Variants in PPFIBP2 observed in about 807,000 individuals in gnomAD.
The protein encoded by PPFIBP2 is PPFIB scaffold protein 2.
A neutral mutation model predicts 118.3 loss-of-function variants in PPFIBP2; 118 were observed. The ratio of observed to expected loss-of-function variants is 1.00; its 90% CI spans 0.86 to 1.16. The LOEUF is 1.16. PPFIBP2 is among the 50% of genes most tolerant of loss of function. The pLI, the probability that PPFIBP2 is intolerant of heterozygous loss-of-function variation, is 0.00. For synonymous variants in PPFIBP2, 414 were observed against 397.4 expected (o/e 1.04, Z -0.50); for missense variants, 1,195 against 1,073.1 (o/e 1.11, Z -1.59).
At chr11:7,531,728 C>G (rs4515945) in intron 1 of PPFIBP2, among the ~76,000 whole-genome samples, 38,265 of 152,048 alleles carry the variant, frequency 0.25, 5,138 homozygotes, top group Admixed American at 0.4. Flanking sequence ...GCTTACACAA[C>G]AGAAATTTAT....
At chr11:7,600,450 G>T (rs1213825821) in intron 5 of PPFIBP2, among the ~76,000 whole-genome samples, 1 of 152,240 alleles carries the variant, frequency 6.6e-6, no homozygotes, top group Non-Finnish European at 1.5e-5. Context: ...GCTAGGGACA[G>T]GCAAACACTT....
chr11:7,592,691 G>A (rs1859553343), intron 3 of PPFIBP2, among the ~76,000 whole-genome samples: 1 of 152,192 alleles, frequency 6.6e-6, no homozygotes, highest in Non-Finnish European at 1.5e-5. Flanking sequence ...CCTGGCATGA[G>A]AATTAGGAGA....
chr11:7,543,008 C>G (rs969469414), intron 1 of PPFIBP2, among the ~76,000 whole-genome samples: 2 of 152,222 alleles, frequency 1.3e-5, no homozygotes, highest in Non-Finnish European at 2.9e-5. Flanking sequence ...TGTTTTCACT[C>G]AAGTCTGTCT....
chr11:7,656,164 C>T (rs1362811824), downstream of PPFIBP2, among the ~76,000 whole-genome samples: 1 of 152,202 alleles, frequency 6.6e-6, no homozygotes, highest in African/African-American at 2.4e-5. Flanking sequence ...CAGACTAGAG[C>T]TGGCAGGAAA....
At chr11:7,642,969 C>T (rs566769180) in intron 17 of PPFIBP2, among the ~76,000 whole-genome samples, 20 of 152,182 alleles carry the variant, frequency 1.3e-4, no homozygotes, top group Non-Finnish European at 2.4e-4. Flanking sequence ...AGGTCCTCCT[C>T]GTGCATGAGA....
Position 7,648,489 on chromosome 11 carries a change from A to T in PPFIBP2, c.1749A>T (p.Val583=). The change falls in exon 18 of 24, where the codon GTA becomes GTT. Residue 583 remains valine, a synonymous_variant. Coordinates refer to ENST00000299492, the MANE Select transcript of PPFIBP2 (RefSeq NM_003621.5). Reference sequence around the variant, plus strand: ...ATGTGATCTTTGCCAGGCAGTGGGTATCTTCTGGCCACACCTTATTGACAG... The same window carrying T: ...ATGTGATCTTTGCCAGGCAGTGGGTTTCTTCTGGCCACACCTTATTGACAG... The part of the protein sequence containing the change: ...AQYVIFARQW[V]SSGHTLLTAT... The T allele has an allele frequency of 1.9e-6, 3 of 1,614,014 alleles. No individual in the cohort carries two copies. The South Asian group carries it at 3.3e-5, about 18-fold the overall frequency.
Position 7,608,513 on chromosome 11 carries a change from G to A in PPFIBP2, c.487-1778G>A, listed in dbSNP as rs185962196. On this transcript the variant is annotated intron_variant, in intron 5 of 23. Coordinates refer to ENST00000299492, the MANE Select transcript of PPFIBP2 (RefSeq NM_003621.5). ...AAATCCGCTGGGCGTGGTGGCATGC[G>A]CCTGTAATCCCGGCTACTCGGGAGG... Among the ~76,000 whole-genome samples, 16 of 152,286 alleles carry A rather than the reference G, an allele frequency of 1.1e-4. No homozygotes were observed. The East Asian group carries it at 1.4e-3, about 13-fold the overall frequency.
In PPFIBP2 at chr11:7,648,438, GC is replaced by G; in HGVS notation, c.1699del (p.Leu567TrpfsTer10). ...GGAGCACAGAGCGTGTGTGTGCATG[GC>G]TGGAGGACTTTGGCCTGGCTCAGTA... is the stretch of plus-strand genomic sequence containing the variant. Reference protein sequence around the residue: ...QWSTERVCAWLEDFGLAQYVI... With the variant: ...QWSTERVCAWXEDFGLAQYVI... On this transcript the variant is annotated frameshift_variant, in exon 18 of 24. Coordinates refer to ENST00000299492, the MANE Select transcript of PPFIBP2 (RefSeq NM_003621.5). LOFTEE classifies it high-confidence loss of function. 6.2e-7 allele frequency: 1 copy of G among 1,614,142 alleles called. No individual in the cohort carries two copies.
At chr11:7,623,245 G>C (rs935425766) in intron 7 of PPFIBP2, among the ~76,000 whole-genome samples, 2 of 152,164 alleles carry the variant, frequency 1.3e-5, no homozygotes, top group Non-Finnish European at 2.9e-5. Flanking sequence ...TCATCTCCCA[G>C]TGCAATGGCA....
At chr11:7,654,336 A>G (rs1481570055), downstream of PPFIBP2, among the ~76,000 whole-genome samples, 1 of 151,752 alleles carries the variant, frequency 6.6e-6, no homozygotes, top group East Asian at 1.9e-4. Context: ...GCCAGTCTGG[A>G]CTCCTGGTCA....
chr11:7,577,315 A>ATGTG (rs1554958671), intron 3 of PPFIBP2: 10 of 216,892 alleles, frequency 4.6e-5, no homozygotes, highest in Non-Finnish European at 9.5e-5. Flanking sequence ...GCGTGCATGT[A>ATGTG]TGTGCGTGTG....
At chr11:7,516,846 G>A (rs1282062050) in intron 1 of PPFIBP2, among the ~76,000 whole-genome samples, 2 of 152,154 alleles carry the variant, frequency 1.3e-5, no homozygotes. Context: ...TTGGGACTGG[G>A]CCTGAGAAGG....
chr11:7,515,775 G>A (rs996890585), intron 1 of PPFIBP2, among the ~76,000 whole-genome samples: 3 of 152,204 alleles, frequency 2.0e-5, no homozygotes, highest in African/African-American at 7.2e-5. Context: ...TGATGGTTCT[G>A]TGAACTTCTC....
chr11:7,529,716 T>A (rs1032909237), intron 1 of PPFIBP2, among the ~76,000 whole-genome samples: 3 of 152,222 alleles, frequency 2.0e-5, no homozygotes, highest in African/African-American at 7.2e-5. Context: ...AGCGGTGTCT[T>A]CTCTGTCAGG....
At chr11:7,532,655 A>G (rs892387014) in intron 1 of PPFIBP2, among the ~76,000 whole-genome samples, 1 of 152,162 alleles carries the variant, frequency 6.6e-6, no homozygotes, top group Non-Finnish European at 1.5e-5. Flanking sequence ...GTGAACACAG[A>G]GCTGCTAATA....
At chr11:7,642,101 GC>G in intron 16 of PPFIBP2, 196 bp from the exon 17 acceptor site, 1 of 582,906 alleles carries the variant, frequency 1.7e-6, no homozygotes, top group East Asian at 3.1e-5. Flanking sequence ...AATCCCAGAG[GC>G]AGGATCCGAA....
chr11:7,629,319 A>C, intron 9 of PPFIBP2, 140 bp from the exon 10 acceptor site: 2 of 763,526 alleles, frequency 2.6e-6, no homozygotes, highest in Non-Finnish European at 4.5e-6. Flanking sequence ...GCTCTGTGGA[A>C]TGGGGCCTGG....
At chr11:7,610,055 A>G (rs560316848) in intron 5 of PPFIBP2, among the ~76,000 whole-genome samples, 2 of 152,350 alleles carry the variant, frequency 1.3e-5, no homozygotes, top group East Asian at 1.9e-4. Flanking sequence ...CATTTGAGAA[A>G]TGTAGCTCAC....
rs4643071 is a variant in PPFIBP2, at chr11:7,641,501, C to T, written c.1398C>T (p.Asp466=). Residue 466 remains aspartate (D), a synonymous_variant, in exon 16 of 24, where the codon GAC becomes GAT. Coordinates refer to ENST00000299492, the MANE Select transcript of PPFIBP2 (RefSeq NM_003621.5). ...CAGGAGACACAGAAAGTGGCTGGGA[C>T]GACACTGCTGTGGTCAATGACCTCT... ...LRLRDTESGW[D]DTAVVNDLSS... 1,078,989 of 1,613,074 alleles carry T rather than the reference C, an allele frequency of 0.67. 362,017 individuals are homozygous for T. Among genetic ancestry groups the T allele is most frequent in the African/African-American group, 0.79 (59,051 of 74,944 alleles).
Sources: gnomAD v4.1 joint callset for allele counts (sites outside exome capture counted in the v4.1 genomes callset) on GRCh38, gnomAD v4.1.1 for gene constraint, MANE v1.5 for transcripts, NCBI Gene and HGNC (gene_info 2026-07-23, HGNC 2026-07-21) for gene names.